The following PPP2R3A variants were observed in gnomAD, a reference collection of about 807,000 sequenced individuals.
PPP2R3A encodes the protein protein phosphatase 2 regulatory subunit B''alpha, also known as serine/threonine-protein phosphatase 2A regulatory subunit B'' subunit alpha.
PPP2R3A carries 80 observed loss-of-function variants against 106.9 expected under a neutral mutation model. The observed-to-expected ratio is 0.75, with a 90% CI of 0.62 to 0.90. PPP2R3A has a LOEUF of 0.90. Among genes scored for constraint, PPP2R3A ranks in the 40% least tolerant of loss-of-function variants. The pLI is 0.00. For missense variants in PPP2R3A, 1,386 were observed against 1,350.4 expected (o/e 1.03, Z -0.41); for synonymous variants, 483 against 468.3 (o/e 1.03, Z -0.41).
At chr3:136,059,079 G>A (rs1576470001) in intron 5 of PPP2R3A, among the ~76,000 whole-genome samples, 1 of 152,178 alleles carries the variant, frequency 6.6e-6, no homozygotes, top group East Asian at 1.9e-4. Context: ...GTAGGCACAG[G>A]CAAAGCTTTC....
At chr3:136,087,206 AAAAT>A (rs974929471) in intron 8 of PPP2R3A, among the ~76,000 whole-genome samples, 3 of 150,440 alleles carry the variant, frequency 2.0e-5, no homozygotes, top group Non-Finnish European at 2.9e-5. Context: ...CTCTGTCTCA[AAAAT>A]AAATAAATAA....
intron 10 of PPP2R3A, 93 bp from the exon 11 acceptor site, chr3:136,101,907 GTATGTAA>G (rs1325550741): frequency 1.8e-5 from 22 of 1,228,838 alleles, no homozygotes; most frequent in East Asian, 5.0e-5. Flanking sequence ...AGCCTGAAGT[GTATGTAA>G]TATGTAACTT....
intron 13 of PPP2R3A, among the ~76,000 whole-genome samples, chr3:136,121,425 C>T (rs748189174): frequency 2.0e-4 from 30 of 152,086 alleles, no homozygotes; most frequent in Middle Eastern, 6.8e-3. Context: ...GACACCAGGG[C>T]CTGCTTGAGG....
chr3:136,081,424 A>G (rs1464352869), intron 7 of PPP2R3A, among the ~76,000 whole-genome samples: 4 of 151,918 alleles, frequency 2.6e-5, no homozygotes, highest in Non-Finnish European at 1.5e-5. Flanking sequence ...TTATAGATGC[A>G]TATAGGTAGA....
At chr3:136,039,123 G>T (rs1281464007) in intron 3 of PPP2R3A, among the ~76,000 whole-genome samples, 3 of 152,154 alleles carry the variant, frequency 2.0e-5, no homozygotes, top group African/African-American at 7.2e-5. Flanking sequence ...TCAGGCTCCT[G>T]TGGGGGTCCC....
At position 135,981,239 on chromosome 3, in the gene PPP2R3A, G is replaced by A. The variant is rs542198813; in HGVS notation, c.-441+15390G>A. On this transcript the variant is annotated intron_variant, in intron 1 of 13. Transcript: ENST00000264977. ...GAGCATCTTGTTGGCGGTGTTTCTT[G>A]GTTTGTATGTTGGGGAGTTGTGCTG... Among the ~76,000 whole-genome samples, 29 of 151,898 alleles carry A rather than the reference G, an allele frequency of 1.9e-4. 1 individual carries two copies. The highest frequency in any genetic ancestry group is 6.1e-4 in the African/African-American group (25 of 41,180).
In PPP2R3A at chr3:136,011,293, C is replaced by A. The variant is rs573944217; in HGVS notation, c.1995+7800C>A. On this transcript the variant is annotated intron_variant, in intron 2 of 13. Transcript: ENST00000264977. ...TACTGTTTCTTTTTCTCCACTGACT[C>A]CTACCACTAGAATGAAACCTCTATG... 2.2e-3 allele frequency among the ~76,000 whole-genome samples: 340 copies of A among 152,182 alleles called. 1 individual carries two copies. The highest frequency in any genetic ancestry group is 7.7e-3 in the African/African-American group (318 of 41,516).
chr3:135,967,773 T>C (rs1203601571), intron 1 of PPP2R3A, among the ~76,000 whole-genome samples: 2 of 152,182 alleles, frequency 1.3e-5, no homozygotes, highest in Non-Finnish European at 2.9e-5. Flanking sequence ...CCCTCAGAAG[T>C]GCAATTGACA....
chr3:136,041,254 T>G (rs1418665967), intron 4 of PPP2R3A, among the ~76,000 whole-genome samples: 1 of 120,146 alleles, frequency 8.3e-6, no homozygotes, highest in Non-Finnish European at 1.7e-5. Context: ...TTTTTTGTTT[T>G]TTTTTTTGTT....
intron 4 of PPP2R3A, 71 bp from the exon 5 acceptor site, chr3:136,049,188 C>A: frequency 8.9e-7 from 1 of 1,125,968 alleles, no homozygotes; most frequent in Non-Finnish European, 1.3e-6. Flanking sequence ...ACTGAAATTA[C>A]TAACTATTGA....
intron 13 of PPP2R3A, among the ~76,000 whole-genome samples, chr3:136,132,890 G>A (rs572716122): frequency 6.6e-6 from 1 of 152,000 alleles, no homozygotes; most frequent in East Asian, 1.9e-4. Flanking sequence ...TGTAGCACTG[G>A]TATATATATA....
At chr3:136,008,367 A>C (rs560856138) in intron 2 of PPP2R3A, among the ~76,000 whole-genome samples, 2 of 152,124 alleles carry the variant, frequency 1.3e-5, no homozygotes, top group African/African-American at 4.8e-5. Context: ...CCTCCTCTCA[A>C]TTGCCACCAA....
Position 136,138,695 on chromosome 3 carries a change from A to T in PPP2R3A, c.3330-6348A>T, listed in dbSNP as rs958698169. On this transcript the variant is annotated intron_variant, in intron 13 of 13. Transcript: ENST00000264977. ...AGACTCCAAACTAGAGAAATATTGA[A>T]TTTTTTTTTTTTTTTTTTTTTTTTT... is the stretch of plus-strand genomic sequence containing the variant. Among the ~76,000 whole-genome samples, 3 of 50,596 alleles carry T rather than the reference A, an allele frequency of 5.9e-5. 1 individual carries two copies. Among genetic ancestry groups the T allele is most frequent in the African/African-American group, 2.8e-4 (3 of 10,816 alleles). The allele number at this position is 50,596 out of a possible 152,430, so 33.2% of individuals were successfully genotyped here. A position where few individuals can be genotyped will look rare whatever the true frequency, so the allele number is the denominator to read the frequency against.
intron 3 of PPP2R3A, among the ~76,000 whole-genome samples, chr3:136,031,342 C>T (rs1934883802): frequency 1.3e-5 from 2 of 152,044 alleles, no homozygotes; most frequent in African/African-American, 4.8e-5. Flanking sequence ...GTCATTAGCC[C>T]ACTTTTTGAT....
chr3:136,139,565 T>G (rs1938767659), intron 13 of PPP2R3A, among the ~76,000 whole-genome samples: 1 of 151,796 alleles, frequency 6.6e-6, no homozygotes, highest in African/African-American at 2.4e-5. Context: ...TGGTGTTATG[T>G]GCCTGTAATC....
intron 9 of PPP2R3A, 144 bp downstream of exon 9, chr3:136,088,075 G>T: frequency 1.6e-6 from 1 of 621,490 alleles, no homozygotes; most frequent in South Asian, 2.6e-5. Flanking sequence ...CTTAATACAA[G>T]ACAGTAATTC....
At chr3:135,982,665 C>A (rs1297343695) in intron 1 of PPP2R3A, among the ~76,000 whole-genome samples, 1 of 152,138 alleles carries the variant, frequency 6.6e-6, no homozygotes, top group Non-Finnish European at 1.5e-5. Context: ...CCTCTGTACC[C>A]CTTCTGGTCT....
At chr3:136,088,175 G>A (rs1328581345) in intron 9 of PPP2R3A, among the ~76,000 whole-genome samples, 4 of 152,136 alleles carry the variant, frequency 2.6e-5, no homozygotes, top group Admixed American at 6.5e-5. Context: ...ATGAGATTTG[G>A]TGTATGGAGG....
chr3:136,032,019 T>A (rs1175314191), intron 3 of PPP2R3A, among the ~76,000 whole-genome samples: 2 of 152,210 alleles, frequency 1.3e-5, no homozygotes, highest in Non-Finnish European at 2.9e-5. Flanking sequence ...ATTTTAGAAT[T>A]GTTTTTTCTA....
Sources: gnomAD v4.1 joint callset for allele counts (sites outside exome capture counted in the v4.1 genomes callset) on GRCh38, gnomAD v4.1.1 for gene constraint, MANE v1.5 for transcripts, NCBI Gene and HGNC (gene_info 2026-07-23, HGNC 2026-07-21) for gene names.